CPNE4: variants seen among roughly 807,000 people sequenced by gnomAD.
The protein encoded by CPNE4 is copine 4.
In CPNE4, 25 loss-of-function variants were observed where a neutral mutation model predicts 67.9. The ratio of observed to expected loss-of-function variants is 0.37; its 90% CI spans 0.27 to 0.51. The LOEUF (loss-of-function observed/expected upper bound fraction) is 0.51, where lower values mean the gene tolerates loss of function less well. CPNE4 is among the 20% of genes least tolerant of loss of function. CPNE4 has a pLI of 0.93. For synonymous variants in CPNE4, 242 were observed against 244.9 expected, an observed-to-expected ratio of 0.99 and a Z score of 0.11; for missense variants, 464 against 690.8, an observed-to-expected ratio of 0.67 and a Z score of 3.68.
At chr3:132,030,609 T>C (rs1391968905) in intron 1 of CPNE4, among the ~76,000 whole-genome samples, 4 of 152,140 alleles carry the variant, frequency 2.6e-5, no homozygotes, top group Non-Finnish European at 5.9e-5. Context: ...CTTCCAACCC[T>C]CAATATTTAC....
chr3:131,874,238 T>G (rs993264027), intron 2 of CPNE4, among the ~76,000 whole-genome samples: 3 of 151,886 alleles, frequency 2.0e-5, no homozygotes, highest in South Asian at 2.1e-4. Context: ...ACAGGCGCCC[T>G]CCACCACGCC....
intron 7 of CPNE4, among the ~76,000 whole-genome samples, chr3:131,658,921 T>A (rs1013824182): frequency 6.6e-6 from 1 of 152,194 alleles, no homozygotes; most frequent in Non-Finnish European, 1.5e-5. Context: ...GTTTAAAATG[T>A]GGGAGAGAAG....
At chr3:131,955,415 T>TTTTTTTTTTTTTTTTTTA (rs1480288459) in intron 1 of CPNE4, among the ~76,000 whole-genome samples, 1 of 123,774 alleles carries the variant, frequency 8.1e-6, no homozygotes, top group Non-Finnish European at 1.7e-5. Flanking sequence ...GTAAGGTTTT[T>TTTTTTTTTTTTTTTTTTA]TTTTTTTTTT....
intron 1 of CPNE4, among the ~76,000 whole-genome samples, chr3:131,929,313 A>T (rs2070988191): frequency 6.6e-6 from 1 of 151,684 alleles, no homozygotes; most frequent in Non-Finnish European, 1.5e-5. Flanking sequence ...AACAGATACC[A>T]CCTTATTACA....
At chr3:131,783,181 T>C (rs1386804961) in intron 2 of CPNE4, among the ~76,000 whole-genome samples, 2 of 152,064 alleles carry the variant, frequency 1.3e-5, no homozygotes, top group Non-Finnish European at 2.9e-5. Flanking sequence ...TTTCCTCTAA[T>C]CCCTATGTCC....
intron 7 of CPNE4, among the ~76,000 whole-genome samples, chr3:131,621,955 G>C (rs1257004463): frequency 6.9e-6 from 1 of 145,120 alleles, no homozygotes; most frequent in East Asian, 2.1e-4. Context: ...GGAGACTGCA[G>C]TTGCAGGGAG....
chr3:131,757,948 C>G (rs576239194), intron 2 of CPNE4, among the ~76,000 whole-genome samples: 1 of 152,336 alleles, frequency 6.6e-6, no homozygotes, highest in South Asian at 2.1e-4. Context: ...AAGTCAAGAA[C>G]TGAGGTTTGG....
intron 1 of CPNE4, among the ~76,000 whole-genome samples, chr3:132,001,157 C>T (rs116306215): frequency 2.0e-5 from 3 of 152,058 alleles, no homozygotes; most frequent in Non-Finnish European, 2.9e-5. Context: ...TATCACTGAT[C>T]AAAAAAGCAA....
At chr3:131,798,412 TA>T (rs570899156) in intron 2 of CPNE4, among the ~76,000 whole-genome samples, 1 of 152,194 alleles carries the variant, frequency 6.6e-6, no homozygotes, top group Non-Finnish European at 1.5e-5. Flanking sequence ...AATGGGAAGC[TA>T]AATAGGATAT....
chr3:131,951,971 T>C (rs1344297480), intron 1 of CPNE4, among the ~76,000 whole-genome samples: 7 of 152,118 alleles, frequency 4.6e-5, no homozygotes, highest in Admixed American at 1.3e-4. Flanking sequence ...TTGCAGCCTC[T>C]GCCCAGCCGC....
At chr3:131,691,248 G>A (rs2081027111) in intron 5 of CPNE4, among the ~76,000 whole-genome samples, 2 of 152,120 alleles carry the variant, frequency 1.3e-5, no homozygotes, top group African/African-American at 4.8e-5. Flanking sequence ...AAAGACACAT[G>A]CACTTGTATG....
chr3:131,902,679 G>T (rs531194454), intron 2 of CPNE4, among the ~76,000 whole-genome samples: 1 of 152,212 alleles, frequency 6.6e-6, no homozygotes, highest in South Asian at 2.1e-4. Flanking sequence ...ATGAGAATAT[G>T]CATGCCAGAA....
At chr3:131,687,611 CTTTG>C (rs765282497) in intron 5 of CPNE4, among the ~76,000 whole-genome samples, 2 of 152,152 alleles carry the variant, frequency 1.3e-5, no homozygotes, top group Admixed American at 1.3e-4. Flanking sequence ...CGTTATTTTC[CTTTG>C]TTTGGTCTCT....
chr3:131,975,795 T>C (rs1444739675), intron 1 of CPNE4, among the ~76,000 whole-genome samples: 2 of 152,192 alleles, frequency 1.3e-5, no homozygotes, highest in South Asian at 2.1e-4. Flanking sequence ...TGCATAGATA[T>C]GTATGCCTAG....
intron 2 of CPNE4, among the ~76,000 whole-genome samples, chr3:131,777,758 A>G (rs533230018): frequency 6.6e-6 from 1 of 152,220 alleles, no homozygotes; most frequent in East Asian, 1.9e-4. Context: ...CCAAGAGTGG[A>G]CCTTATGAAT....
chr3:131,649,380 G>C (rs1470348842), intron 7 of CPNE4, among the ~76,000 whole-genome samples: 1 of 152,176 alleles, frequency 6.6e-6, no homozygotes, highest in Non-Finnish European at 1.5e-5. Context: ...ATTCAGGACA[G>C]TAAATTAGCA....
intron 1 of CPNE4, among the ~76,000 whole-genome samples, chr3:131,927,220 G>C (rs2070920269): frequency 6.6e-6 from 1 of 152,030 alleles, no homozygotes; most frequent in Non-Finnish European, 1.5e-5. Context: ...GGTTGGTTTT[G>C]TTTTGCTTTT....
At chr3:131,768,488 T>C (rs1252719244) in intron 2 of CPNE4, among the ~76,000 whole-genome samples, 2 of 152,150 alleles carry the variant, frequency 1.3e-5, no homozygotes, top group African/African-American at 2.4e-5. Flanking sequence ...TGGTATCAGA[T>C]AGAATCTTTC....
intron 1 of CPNE4, among the ~76,000 whole-genome samples, chr3:131,976,357 C>T (rs1284197709): frequency 6.6e-6 from 1 of 151,830 alleles, no homozygotes; most frequent in Non-Finnish European, 1.5e-5. Flanking sequence ...AACACAACAG[C>T]AACAAAAACT....
Sources: allele counts gnomAD v4.1 joint callset (sites outside exome capture counted in the v4.1 genomes callset), GRCh38; gene constraint gnomAD v4.1.1; transcripts MANE v1.5; gene names NCBI Gene and HGNC (gene_info 2026-07-23, HGNC 2026-07-21).